Variants in PGAP1 observed in about 807,000 individuals in gnomAD.
PGAP1 encodes post-GPI attachment to proteins inositol deacylase 1, also known as GPI inositol-deacylase.
PGAP1 carries 76 observed loss-of-function variants against 127.0 expected under a neutral mutation model. The observed-to-expected ratio is 0.60, with a 90% CI of 0.50 to 0.72. PGAP1 has a LOEUF of 0.72. PGAP1 is among the 30% of genes least tolerant of loss of function. The pLI is 0.00. For synonymous variants in PGAP1, 362 were observed against 366.5 expected, an observed-to-expected ratio of 0.99 and a Z score of 0.14; for missense variants, 982 against 1,071.3, an observed-to-expected ratio of 0.92 and a Z score of 1.16.
At chr2:196,862,777 G>C (rs912312387) in intron 20 of PGAP1, among the ~76,000 whole-genome samples, 3 of 152,178 alleles carry the variant, frequency 2.0e-5, no homozygotes, top group African/African-American at 7.2e-5. Context: ...AATTAGCTGG[G>C]CATGGTGGCC....
rs902139309 is a variant in PGAP1 at position 196,912,870 on chromosome 2, A to G, written c.649+12T>C. The G allele has an allele frequency of 2.4e-5, 38 of 1,587,502 alleles. 1 individual carries two copies. The highest frequency in any genetic ancestry group is 2.7e-5 in the Non-Finnish European group (32 of 1,166,218). ...ACAATGGGGAGGTTAATGTTCATGT[A>G]ACAGTACTCACCTGTAATGAAACGA... On this transcript the variant is annotated intron_variant, in intron 4 of 26. Transcript: ENST00000354764.
chr2:196,871,230 C>A (rs921626041), intron 18 of PGAP1, among the ~76,000 whole-genome samples: 1 of 152,026 alleles, frequency 6.6e-6, no homozygotes, highest in Non-Finnish European at 1.5e-5. Flanking sequence ...CTATTTTGCT[C>A]CTTTACTACC....
chr2:196,873,845 C>T (rs1253861355), intron 14 of PGAP1, 87 bp from the exon 15 acceptor site: 2 of 880,266 alleles, frequency 2.3e-6, no homozygotes, highest in Non-Finnish European at 3.7e-6. Flanking sequence ...TAAGACAATG[C>T]CAATAATTAA....
chr2:196,892,340 A>G lies in PGAP1; in HGVS notation c.1089+6T>C. 1 of 1,369,336 alleles carries G rather than the reference A, an allele frequency of 7.3e-7. No individual in the cohort carries two copies. The highest frequency in any genetic ancestry group is 1.0e-6 in the Non-Finnish European group (1 of 986,740). The allele number at this position is 1,369,336 out of a possible 1,614,324, so 84.8% of individuals were successfully genotyped here. On this transcript the variant is annotated splice_donor_region_variant and intron_variant, in intron 9 of 26. Transcript: ENST00000354764. ...ATGAAAAAAAATCCATTGGTGGAAT[A>G]CTTACGTTGTAAGCTACATAGGTCC...
At chr2:196,923,649 ATTTTCTTT>A in intron 1 of PGAP1, among the ~76,000 whole-genome samples, 1 of 151,064 alleles carries the variant, frequency 6.6e-6, no homozygotes, top group East Asian at 1.9e-4. Flanking sequence ...TATGACTCAT[ATTTTCTTT>A]TTTTCTTTCT....
intron 25 of PGAP1, 143 bp from the exon 26 acceptor site, chr2:196,842,968 G>A: frequency 2.6e-6 from 1 of 379,566 alleles, no homozygotes; most frequent in Non-Finnish European, 4.8e-6. Flanking sequence ...TGAAATATCT[G>A]ATAAATAATT....
At chr2:196,867,177 T>C (rs1458684902) in intron 19 of PGAP1, among the ~76,000 whole-genome samples, 1 of 152,124 alleles carries the variant, frequency 6.6e-6, no homozygotes, top group Non-Finnish European at 1.5e-5. Flanking sequence ...TAAAGACACA[T>C]GCACACATAT....
At chr2:196,843,128 T>C (rs1700461261) in intron 25 of PGAP1, among the ~76,000 whole-genome samples, 1 of 152,084 alleles carries the variant, frequency 6.6e-6, no homozygotes. Context: ...AAAAAACAAA[T>C]TACTTAAAAT....
intron 26 of PGAP1, 58 bp downstream of exon 26, chr2:196,842,663 T>A: frequency 1.3e-6 from 1 of 793,066 alleles, no homozygotes. Context: ...ATTTTAGATA[T>A]AAAGGGGGAA....
chr2:196,862,691 G>A (rs892339595), intron 20 of PGAP1, among the ~76,000 whole-genome samples: 2 of 152,148 alleles, frequency 1.3e-5, no homozygotes, highest in African/African-American at 2.4e-5. Flanking sequence ...GCCAGCCAAC[G>A]CTTAGGGAAA....
chr2:196,834,366 T>C lies in PGAP1; in HGVS notation c.*6868A>G, dbSNP rs1300554884. On this transcript the variant is annotated 3_prime_UTR_variant, in exon 27 of 27. Transcript: ENST00000354764. ...ATTTTAAACTTTTATTTCACCAACCTCGAAGACAAGGATTTGGGGCCAATT... is the reference window on the plus strand; with the variant it reads ...ATTTTAAACTTTTATTTCACCAACCCCGAAGACAAGGATTTGGGGCCAATT... 6.6e-6 allele frequency: 1 copy of C among 152,462 alleles called. No individual in the cohort carries two copies. The highest frequency in any genetic ancestry group is 1.5e-5 in the Non-Finnish European group (1 of 67,910). 9.4% of individuals were successfully genotyped at this position (152,462 alleles called of 1,614,324 possible). A position where few individuals can be genotyped will look rare whatever the true frequency, so the allele number is the denominator to read the frequency against.
rs1401886244 is a variant in PGAP1 at position 196,885,821 on chromosome 2, T to C, written c.1220+13A>G. 1 of 1,400,238 alleles carries C rather than the reference T, an allele frequency of 7.1e-7. No homozygotes were observed. The highest frequency in any genetic ancestry group is 9.3e-7 in the Non-Finnish European group (1 of 1,071,114). The allele number at this position is 1,400,238 out of a possible 1,614,324, so 86.7% of individuals were successfully genotyped here. A position where few individuals can be genotyped will look rare whatever the true frequency, so the allele number is the denominator to read the frequency against. ...TATGTTGAGATAAATGAACATGCAT[T>C]CAAAAGACTTACCACATAGAAGTGC... On this transcript the variant is annotated intron_variant, in intron 11 of 26. Transcript: ENST00000354764.
At chr2:196,899,309 T>G (rs1702396345) in intron 5 of PGAP1, among the ~76,000 whole-genome samples, 1 of 152,200 alleles carries the variant, frequency 6.6e-6, no homozygotes, top group Non-Finnish European at 1.5e-5. Context: ...TATGTATAAC[T>G]TCTAAGGAAT....
At chr2:196,874,038 C>T (rs1246524847) in intron 14 of PGAP1, 1 of 263,796 alleles carries the variant, frequency 3.8e-6, no homozygotes, top group South Asian at 7.8e-5. Context: ...TTTTATTTTA[C>T]AAGCTTCTTA....
chr2:196,844,340 CAT>C (rs1700499053), intron 24 of PGAP1, among the ~76,000 whole-genome samples, 182 bp downstream of exon 24: 3 of 151,858 alleles, frequency 2.0e-5, no homozygotes. Flanking sequence ...AAAAAAATGA[CAT>C]GGGTACTGAC....
chr2:196,903,640 T>C (rs1241260430), intron 4 of PGAP1, among the ~76,000 whole-genome samples: 1 of 151,990 alleles, frequency 6.6e-6, no homozygotes, highest in Non-Finnish European at 1.5e-5. Flanking sequence ...ACAAGTACTA[T>C]TTAAATTCTT....
chr2:196,922,058 T>C, intron 1 of PGAP1: 1 of 947,968 alleles, frequency 1.1e-6, no homozygotes, highest in Non-Finnish European at 1.3e-6. Context: ...TTCTATGTAG[T>C]TTATTTTAAA....
intron 3 of PGAP1, among the ~76,000 whole-genome samples, chr2:196,915,985 G>C (rs1576200002): frequency 6.6e-6 from 1 of 152,122 alleles, no homozygotes; most frequent in African/African-American, 2.4e-5. Context: ...CAATCATGGA[G>C]CTTACTTCTT....
intron 12 of PGAP1, among the ~76,000 whole-genome samples, chr2:196,883,518 A>G (rs1701798277): frequency 6.6e-6 from 1 of 152,218 alleles, no homozygotes; most frequent in African/African-American, 2.4e-5. Flanking sequence ...GACAAATGGT[A>G]GCTAATATGA....
Sources: allele counts gnomAD v4.1 joint callset (sites outside exome capture counted in the v4.1 genomes callset), GRCh38; gene constraint gnomAD v4.1.1; transcripts MANE v1.5; gene names NCBI Gene and HGNC (gene_info 2026-07-23, HGNC 2026-07-21).